AMDHD2: variants seen among roughly 807,000 people sequenced by gnomAD.
AMDHD2 encodes the protein amidohydrolase domain containing 2, also known as N-acetylglucosamine-6-phosphate deacetylase.
Under a neutral mutation model 41.8 loss-of-function variants are expected in AMDHD2, and 24 were observed. The ratio of observed to expected loss-of-function variants is 0.57; its 90% CI spans 0.42 to 0.81. The LOEUF (loss-of-function observed/expected upper bound fraction) is 0.81. AMDHD2 is among the 30% of genes least tolerant of loss of function. AMDHD2 has a pLI of 0.00. For missense variants in AMDHD2, 540 were observed against 588.5 expected (o/e 0.92, Z 0.85); for synonymous variants, 332 against 255.5 (o/e 1.30, Z -2.85).
At chr16:2,525,305 G>C (rs555992250) in intron 3 of AMDHD2, among the ~76,000 whole-genome samples, 1 of 151,252 alleles carries the variant, frequency 6.6e-6, no homozygotes, top group East Asian at 2.0e-4. Flanking sequence ...TGATCCAACT[G>C]CCTTGGCCTT....
At position 2,529,913 on chromosome 16, in the gene AMDHD2, A is replaced by G. The variant is rs2066062480; in HGVS notation, c.*350A>G. On this transcript the variant is annotated 3_prime_UTR_variant, in exon 11 of 11. Transcript: ENST00000293971. ...GGACCGGAGACCTGCAGACCCCAGG[A>G]AAGTGTCACTATGGGAGGGAGGGGC... 19 of 1,027,478 alleles carry G rather than the reference A, an allele frequency of 1.8e-5. No homozygotes were observed. The highest frequency in any genetic ancestry group is 2.4e-5 in the Non-Finnish European group (18 of 739,042). 63.6% of individuals were successfully genotyped at this position (1,027,478 alleles called of 1,614,324 possible). A position where few individuals can be genotyped will look rare whatever the true frequency, so the allele number is the denominator to read the frequency against.
chr16:2,528,814 C>T lies in AMDHD2; in HGVS notation c.1039+96C>T, dbSNP rs2066044824. 3.2e-6 allele frequency: 5 copies of T among 1,573,384 alleles called. No homozygotes were observed. The East Asian group carries it at 9.0e-5, about 28-fold the overall frequency. On this transcript the variant is annotated intron_variant, in intron 9 of 10. Coordinates refer to ENST00000293971, the MANE Select transcript of AMDHD2 (RefSeq NM_001330449.2). ...GCCCGGACTGTAGCCCAAGCTCTGCCCACAGGAGCTCCTGGGCATTGGGTA... is the reference window on the plus strand; with the variant it reads ...GCCCGGACTGTAGCCCAAGCTCTGCTCACAGGAGCTCCTGGGCATTGGGTA...
chr16:2,521,391 C>G (rs2065935260), intron 3 of AMDHD2, among the ~76,000 whole-genome samples: 2 of 152,158 alleles, frequency 1.3e-5, no homozygotes, highest in South Asian at 4.1e-4. Context: ...CGTCCCCACC[C>G]CCTGCACTGC....
At position 2,530,387 on chromosome 16, in the gene AMDHD2, C is replaced by T; in HGVS notation, c.*824C>T. The T allele has an allele frequency of 6.2e-7, 1 of 1,614,184 alleles. No individual in the cohort carries two copies. Among genetic ancestry groups the T allele is most frequent in the Admixed American group, 1.7e-5 (1 of 60,024 alleles). ...TGTCCCCTTGGCCCTGGCACACACC[C>T]ATGTGGCAAACACGGGCCGTGAGGC... On this transcript the variant is annotated 3_prime_UTR_variant, in exon 11 of 11. Coordinates refer to ENST00000293971, the MANE Select transcript of AMDHD2 (RefSeq NM_001330449.2).
In AMDHD2 at chr16:2,523,804, C is replaced by G. The variant is rs569585537; in HGVS notation, c.360+2681C>G. 1.1e-4 allele frequency among the ~76,000 whole-genome samples: 16 copies of G among 152,326 alleles called. No homozygotes were observed. In the South Asian group the frequency reaches 3.1e-3, roughly 30 times the overall value. ...CTTTCCTACCTGTCCAGCCTCTTCT[C>G]TGTCCCCAGCCACATTCCCCACTCC... is the stretch of plus-strand genomic sequence containing the variant. On this transcript the variant is annotated intron_variant, in intron 3 of 10. Transcript: ENST00000293971.
At chr16:2,526,095 C>G (rs1212826607) in intron 3 of AMDHD2, among the ~76,000 whole-genome samples, 1 of 152,208 alleles carries the variant, frequency 6.6e-6, no homozygotes, top group African/African-American at 2.4e-5. Context: ...GTCTCTGCTT[C>G]CCTGCCTGGC....
At chr16:2,528,786 G>T in intron 9 of AMDHD2, 68 bp downstream of exon 9, 3 of 1,593,344 alleles carry the variant, frequency 1.9e-6, no homozygotes, top group South Asian at 2.2e-5. Context: ...GGCTGGACCG[G>T]GTGCCCGGAC....
rs777663225 is a variant in AMDHD2, at chr16:2,520,815, C to T, written c.130C>T (p.Leu44=). 2 of 1,611,006 alleles carry T rather than the reference C, an allele frequency of 1.2e-6. No homozygotes were observed. The highest frequency in any genetic ancestry group is 2.2e-5 in the South Asian group (2 of 90,964). ...RGGRILDPEK[L]FFEERRVADE... The stretch of plus-strand genomic sequence containing the variant: ...AGGCCGCATCTTGGACCCAGAGAAG[C>T]TGTTCTTTGAGGAGCGGCGCGTGGC... Residue 44 remains leucine, a synonymous_variant, in exon 2 of 11, where the codon CTG becomes TTG. Transcript: ENST00000293971.
rs758841000 is a variant in AMDHD2 at position 2,528,447 on chromosome 16, C to T, written c.863-5C>T. On this transcript the variant is annotated splice_region_variant and splice_polypyrimidine_tract_variant and intron_variant, in intron 7 of 10. Coordinates refer to ENST00000293971, the MANE Select transcript of AMDHD2 (RefSeq NM_001330449.2). Reference sequence around the variant, plus strand: ...CTAGCAGGTTCTGAGCCTCTTCTCCCCCAGGGCTGGTGCTGGTCACCGATG... The same window carrying T: ...CTAGCAGGTTCTGAGCCTCTTCTCCTCCAGGGCTGGTGCTGGTCACCGATG... 2 of 1,612,862 alleles carry T rather than the reference C, an allele frequency of 1.2e-6. No homozygotes were observed. Among genetic ancestry groups the T allele is most frequent in the East Asian group, 2.2e-5 (1 of 44,882 alleles).
intron 10 of AMDHD2, 120 bp downstream of exon 10, chr16:2,529,215 G>A (rs1328001104): frequency 8.8e-7 from 1 of 1,136,936 alleles, no homozygotes; most frequent in South Asian, 1.6e-5. Context: ...CCTCTCAGGT[G>A]GGCTGCCGGC....
rs761538002 is a variant in AMDHD2, at chr16:2,530,500, GCAGC to G, written c.*939_*942del. ...GTGGGGTCAGACGTCAGGGATTGGT[GCAGC>G]CCCACGTCAGGGGTGATTGTCTTGA... On this transcript the variant is annotated 3_prime_UTR_variant, in exon 11 of 11. Coordinates refer to ENST00000293971, the MANE Select transcript of AMDHD2 (RefSeq NM_001330449.2). 7.4e-6 allele frequency: 12 copies of G among 1,614,016 alleles called. No individual in the cohort carries two copies. The highest frequency in any genetic ancestry group is 1.0e-5 in the Non-Finnish European group (12 of 1,180,006).
At position 2,530,393 on chromosome 16, in the gene AMDHD2, G is replaced by T. The variant is rs763349236; in HGVS notation, c.*830G>T. 1.2e-6 allele frequency: 2 copies of T among 1,614,200 alleles called. No individual in the cohort carries two copies. Among genetic ancestry groups the T allele is most frequent in the Admixed American group, 3.3e-5 (2 of 60,026 alleles). The stretch of plus-strand genomic sequence containing the variant: ...CTTGGCCCTGGCACACACCCATGTG[G>T]CAAACACGGGCCGTGAGGCTCCCTG... On this transcript the variant is annotated 3_prime_UTR_variant, in exon 11 of 11. Coordinates refer to ENST00000293971, the MANE Select transcript of AMDHD2 (RefSeq NM_001330449.2).
In AMDHD2 at chr16:2,530,418, G is replaced by A; in HGVS notation, c.*855G>A. On this transcript the variant is annotated 3_prime_UTR_variant, in exon 11 of 11. Coordinates refer to ENST00000293971, the MANE Select transcript of AMDHD2 (RefSeq NM_001330449.2). ...GCAAACACGGGCCGTGAGGCTCCCT[G>A]AACAGCTTCGAGGCGGGTGGGCTTC... is the stretch of plus-strand genomic sequence containing the variant. 6.2e-7 allele frequency: 1 copy of A among 1,614,172 alleles called. No homozygotes were observed. Among genetic ancestry groups the A allele is most frequent in the Non-Finnish European group, 8.5e-7 (1 of 1,180,024 alleles).
chr16:2,528,448 C>T lies in AMDHD2; in HGVS notation c.863-4C>T, dbSNP rs201524557. The T allele has an allele frequency of 6.8e-6, 11 of 1,612,872 alleles. No homozygotes were observed. In the Admixed American group the frequency reaches 1.5e-4, roughly 22 times the overall value. Reference sequence around the variant, plus strand: ...TAGCAGGTTCTGAGCCTCTTCTCCCCCAGGGCTGGTGCTGGTCACCGATGC... The same window carrying T: ...TAGCAGGTTCTGAGCCTCTTCTCCCTCAGGGCTGGTGCTGGTCACCGATGC... On this transcript the variant is annotated splice_region_variant and splice_polypyrimidine_tract_variant and intron_variant, in intron 7 of 10. Coordinates refer to ENST00000293971, the MANE Select transcript of AMDHD2 (RefSeq NM_001330449.2).
Position 2,530,269 on chromosome 16 carries a change from C to T in AMDHD2, c.*706C>T, listed in dbSNP as rs775574270. 15 of 1,611,412 alleles carry T rather than the reference C, an allele frequency of 9.3e-6. No individual in the cohort carries two copies. Among genetic ancestry groups the T allele is most frequent in the African/African-American group, 1.3e-5 (1 of 74,896 alleles). ...CACACATCCCCAGGCCCAGTGCTTG[C>T]CGGCTGTGGTGACCCTGCCTGGTGC... On this transcript the variant is annotated 3_prime_UTR_variant, in exon 11 of 11. Transcript: ENST00000293971.
At chr16:2,524,649 C>G (rs997653915) in intron 3 of AMDHD2, among the ~76,000 whole-genome samples, 1 of 151,494 alleles carries the variant, frequency 6.6e-6, no homozygotes, top group Non-Finnish European at 1.5e-5. Context: ...GGAAAAACAG[C>G]GGCCCTTTGC....
intron 10 of AMDHD2, 119 bp downstream of exon 10, chr16:2,529,214 T>G: frequency 2.7e-6 from 3 of 1,127,438 alleles, no homozygotes; most frequent in South Asian, 3.3e-5. Flanking sequence ...TCCTCTCAGG[T>G]GGGCTGCCGG....
chr16:2,520,475 G>C lies in AMDHD2; in HGVS notation c.17G>C (p.Gly6Ala), dbSNP rs1195997473. MRGEQ[G>A]AAGARVLQFT... ...CGGCTCACGATGCGCGGCGAGCAGG[G>C]CGCGGCGGGGGCCCGCGTGCTCCAG... Residue 6 changes from glycine to alanine, a missense_variant, in exon 1 of 11, where the codon GGC (glycine) becomes GCC (alanine). Transcript: ENST00000293971. 8.1e-7 allele frequency: 1 copy of C among 1,237,916 alleles called. No individual in the cohort carries two copies. Among genetic ancestry groups the C allele is most frequent in the Non-Finnish European group, 1.0e-6 (1 of 984,514 alleles). 76.7% of individuals were successfully genotyped at this position (1,237,916 alleles called of 1,614,324 possible).
Position 2,527,680 on chromosome 16 carries a change from C to A in AMDHD2, c.415+65C>A. The A allele has an allele frequency of 6.4e-7, 1 of 1,570,672 alleles. No homozygotes were observed. The highest frequency in any genetic ancestry group is 2.3e-5 in the East Asian group (1 of 43,734). On this transcript the variant is annotated intron_variant, in intron 4 of 10. Coordinates refer to ENST00000293971, the MANE Select transcript of AMDHD2 (RefSeq NM_001330449.2). This position sits in a 1 kb window ranked among gnomAD's most constrained non-coding sequence, Gnocchi z 6.1. ...CTCCTGCGGGACCTGTTGGCAGCCCCCACCCCTCCAGATGCCCAGCTGGTG... is the reference window on the plus strand; with the variant it reads ...CTCCTGCGGGACCTGTTGGCAGCCCACACCCCTCCAGATGCCCAGCTGGTG...
Sources: gnomAD v4.1 joint callset for allele counts (sites outside exome capture counted in the v4.1 genomes callset) on GRCh38, gnomAD v4.1.1 for gene constraint, Gnocchi (gnomAD v3.1) non-coding constraint, MANE v1.5 for transcripts, NCBI Gene and HGNC (gene_info 2026-07-23, HGNC 2026-07-21) for gene names.